SOCS6: variants seen among roughly 807,000 people sequenced by gnomAD.
SOCS6 encodes the protein suppressor of cytokine signaling 6.
SOCS6 carries 5 observed loss-of-function variants against 27.7 expected under a neutral mutation model. The observed-to-expected ratio is 0.18, with a 90% CI of 0.09 to 0.38. SOCS6 has a LOEUF of 0.38. Ranked by LOEUF, SOCS6 falls within the 10% of genes least tolerant of loss-of-function variation. The probability of loss-of-function intolerance (pLI) is 1.00; values close to 1 mark genes in which losing one functional copy is unlikely to be tolerated. For synonymous variants in SOCS6, 271 were observed against 260.0 expected (o/e 1.04, Z -0.41); for missense variants, 595 against 688.1 (o/e 0.86, Z 1.51).
In SOCS6 at chr18:70,325,065, A is replaced by G. The variant is rs764511524; in HGVS notation, c.397A>G (p.Ser133Gly). ...CACGTCGCTCCGCAGCCATCACTAC[A>G]GTCCCGCGCCGTGGCCTCTGCGGCC... ...RSTSLRSHHY[S>G]PAPWPLRPTN... The change falls in exon 2 of 2, where the codon AGT becomes GGT. Residue 133 changes from serine (S) to glycine (G), a missense_variant. Coordinates refer to ENST00000397942, the MANE Select transcript of SOCS6 (RefSeq NM_004232.4). The surrounding 1 kb of genome is among the most constrained non-coding windows in gnomAD (Gnocchi z 6.3). 1.2e-6 allele frequency: 2 copies of G among 1,614,158 alleles called. No individual in the cohort carries two copies. The highest frequency in any genetic ancestry group is 3.3e-5 in the Admixed American group (2 of 60,030).
intron 1 of SOCS6, among the ~76,000 whole-genome samples, chr18:70,318,126 G>A (rs572100112): frequency 7.2e-5 from 11 of 152,162 alleles, no homozygotes; most frequent in Non-Finnish European, 1.6e-4. Context: ...AAAGTGCTGG[G>A]ATGACAGGCG....
chr18:70,326,986 A>G lies in SOCS6; in HGVS notation c.*710A>G, dbSNP rs1184851854. 1.2e-5 allele frequency: 2 copies of G among 166,456 alleles called. No individual in the cohort carries two copies. Among genetic ancestry groups the G allele is most frequent in the Admixed American group, 6.5e-5 (1 of 15,288 alleles). The allele number at this position is 166,456 out of a possible 1,614,324, so 10.3% of individuals were successfully genotyped here. A position where few individuals can be genotyped will look rare whatever the true frequency, so the allele number is the denominator to read the frequency against. ...ATTTTAATAAATGGCCTTACATTAAAAAATTGTAAAGAAATGTATACCACC... is the reference window on the plus strand; with the variant it reads ...ATTTTAATAAATGGCCTTACATTAAGAAATTGTAAAGAAATGTATACCACC... On this transcript the variant is annotated 3_prime_UTR_variant, in exon 2 of 2. Transcript: ENST00000397942.
intron 1 of SOCS6, among the ~76,000 whole-genome samples, chr18:70,310,448 A>G (rs1479367802): frequency 7.8e-6 from 1 of 128,194 alleles, no homozygotes; most frequent in African/African-American, 3.0e-5. Flanking sequence ...TGCCTGGCTA[A>G]TTTTCTAATT....
Position 70,326,395 on chromosome 18 carries a change from TAA to T in SOCS6, c.*122_*123del, listed in dbSNP as rs1911210706. The T allele has an allele frequency of 2.3e-6, 2 of 869,730 alleles. No individual in the cohort carries two copies. Among genetic ancestry groups the T allele is most frequent in the Non-Finnish European group, 3.6e-6 (2 of 561,020 alleles). The allele number at this position is 869,730 out of a possible 1,614,324, so 53.9% of individuals were successfully genotyped here. A position where few individuals can be genotyped will look rare whatever the true frequency, so the allele number is the denominator to read the frequency against. ...GCCATAACTATTTCAGTTTTATGTG[TAA>T]AAGAGTCATCAGTTTGTTTAGGGGT... On this transcript the variant is annotated 3_prime_UTR_variant, in exon 2 of 2. Coordinates refer to ENST00000397942, the MANE Select transcript of SOCS6 (RefSeq NM_004232.4).
At chr18:70,314,573 C>T (rs2062403890) in intron 1 of SOCS6, among the ~76,000 whole-genome samples, 1 of 152,104 alleles carries the variant, frequency 6.6e-6, no homozygotes. Context: ...ACCATAAAGC[C>T]TAGGTAAGCT....
rs963862835 is a variant in SOCS6, at chr18:70,324,591, C to G, written c.-78C>G. 6.2e-6 allele frequency: 6 copies of G among 965,810 alleles called. No homozygotes were observed. Among genetic ancestry groups the G allele is most frequent in the East Asian group, 4.8e-5 (2 of 41,404 alleles). The allele number at this position is 965,810 out of a possible 1,614,324, so 59.8% of individuals were successfully genotyped here. A position where few individuals can be genotyped will look rare whatever the true frequency, so the allele number is the denominator to read the frequency against. ...AAGCAGGAAAAATACATAGATGCAG[C>G]CTTGCAGCCTCTCCAGATGTTTGGG... On this transcript the variant is annotated 5_prime_UTR_variant, in exon 2 of 2. Coordinates refer to ENST00000397942, the MANE Select transcript of SOCS6 (RefSeq NM_004232.4).
intron 1 of SOCS6, among the ~76,000 whole-genome samples, chr18:70,313,513 A>G (rs1056191123): frequency 2.6e-5 from 4 of 152,076 alleles, no homozygotes; most frequent in South Asian, 2.1e-4. Context: ...TTAAAAATAA[A>G]TATTTATATA....
intron 1 of SOCS6, among the ~76,000 whole-genome samples, chr18:70,310,375 A>G (rs2062385653): frequency 6.7e-6 from 1 of 148,590 alleles, no homozygotes; most frequent in African/African-American, 2.5e-5. Flanking sequence ...CTTCCTTTCC[A>G]GGCTTGGGTG....
chr18:70,325,243 A>G lies in SOCS6; in HGVS notation c.575A>G (p.Lys192Arg), dbSNP rs772443345. Residue 192 changes from lysine to arginine, a missense_variant, in exon 2 of 2, where the codon AAG (lysine) becomes AGG (arginine). Lys to Arg is a conservative substitution (Grantham distance 26, BLOSUM62 2). This residue lies in a region of SOCS6 where 467 missense variants were observed against 481.1 expected (regional missense o/e 0.97). Transcript: ENST00000397942. This position sits in a 1 kb window ranked among gnomAD's most constrained non-coding sequence, Gnocchi z 6.3. ...TTCQEQANSL[K>R]SSASHNGDLH... ...TGCCAGGAGCAAGCCAATTCACTGA[A>G]GAGCTCGGCTTCTCATAATGGAGAC... The G allele has an allele frequency of 6.2e-6, 10 of 1,614,168 alleles. No individual in the cohort carries two copies. The highest frequency in any genetic ancestry group is 2.2e-5 in the East Asian group (1 of 44,886).
chr18:70,317,829 A>G (rs1441268533), intron 1 of SOCS6, among the ~76,000 whole-genome samples: 1 of 151,800 alleles, frequency 6.6e-6, no homozygotes, highest in Admixed American at 6.6e-5. Context: ...CCTTTTTACC[A>G]CATTCACACC....
At position 70,325,566 on chromosome 18, in the gene SOCS6, C is replaced by T; in HGVS notation, c.898C>T (p.Pro300Ser). 6.2e-7 allele frequency: 1 copy of T among 1,614,148 alleles called. No individual in the cohort carries two copies. Reference sequence around the variant, plus strand: ...CACCACGGGAGTCATGTTGCAGAGCCCGAGAGCGGGTCACGATGATGTCCC... The same window carrying T: ...CACCACGGGAGTCATGTTGCAGAGCTCGAGAGCGGGTCACGATGATGTCCC... ...IGTTGVMLQS[P>S]RAGHDDVPPL... Residue 300 changes from proline to serine, a missense_variant, in exon 2 of 2, where the codon CCG (proline) becomes TCG (serine). By Grantham distance (74) the Pro-to-Ser change is moderately conservative (BLOSUM62 -1). Coordinates refer to ENST00000397942, the MANE Select transcript of SOCS6 (RefSeq NM_004232.4). The surrounding 1 kb of genome is among the most constrained non-coding windows in gnomAD (Gnocchi z 6.3).
intron 1 of SOCS6, among the ~76,000 whole-genome samples, chr18:70,316,883 G>A (rs999698921): frequency 6.6e-6 from 1 of 152,202 alleles, no homozygotes; most frequent in African/African-American, 2.4e-5. Context: ...ACTGAACTCT[G>A]TATCAGTCTA....
intron 1 of SOCS6, among the ~76,000 whole-genome samples, chr18:70,314,786 A>T (rs1249666199): frequency 1.3e-5 from 2 of 152,014 alleles, no homozygotes; most frequent in East Asian, 3.9e-4. Flanking sequence ...ATATGTTGGG[A>T]ATAATTCTAA....
intron 1 of SOCS6, among the ~76,000 whole-genome samples, chr18:70,323,985 A>C (rs1911087391): frequency 6.6e-6 from 1 of 152,108 alleles, no homozygotes; most frequent in African/African-American, 2.4e-5. Flanking sequence ...AAAAGAACAA[A>C]AGGTAGATGC....
At chr18:70,314,676 T>TG (rs2062404447) in intron 1 of SOCS6, among the ~76,000 whole-genome samples, 1 of 152,232 alleles carries the variant, frequency 6.6e-6, no homozygotes, top group Non-Finnish European at 1.5e-5. Context: ...GTTGTTCAGC[T>TG]GCATCTATTG....
chr18:70,314,762 T>G (rs957881735), intron 1 of SOCS6, among the ~76,000 whole-genome samples: 1 of 152,194 alleles, frequency 6.6e-6, no homozygotes, highest in Non-Finnish European at 1.5e-5. Context: ...ATTTCTTGTC[T>G]AATTCATTGG....
intron 1 of SOCS6, among the ~76,000 whole-genome samples, chr18:70,310,662 A>G (rs1286457873): frequency 6.6e-6 from 1 of 151,900 alleles, no homozygotes; most frequent in Non-Finnish European, 1.5e-5. Flanking sequence ...TACTGCTTTT[A>G]TCCCCATTTT....
In SOCS6 at chr18:70,325,535, G is replaced by T; in HGVS notation, c.867G>T (p.Leu289Phe). The change falls in exon 2 of 2, where the codon TTG becomes TTT. Residue 289 changes from leucine (L) to phenylalanine (F), a missense_variant. By Grantham distance (22) the Leu-to-Phe change is conservative (BLOSUM62 0). This residue lies in a region of SOCS6 where 467 missense variants were observed against 481.1 expected (regional missense o/e 0.97). Transcript: ENST00000397942. This position sits in a 1 kb window ranked among gnomAD's most constrained non-coding sequence, Gnocchi z 6.3. ...IFVDQSVNGL[L>F]IGTTGVMLQS... is the part of the protein sequence containing the mutation. ...TGGATCAGTCCGTGAATGGCTTGTT[G>T]ATTGGCACCACGGGAGTCATGTTGC... 1 of 1,614,144 alleles carries T rather than the reference G, an allele frequency of 6.2e-7. No individual in the cohort carries two copies. The highest frequency in any genetic ancestry group is 8.5e-7 in the Non-Finnish European group (1 of 1,180,032).
Position 70,309,611 on chromosome 18 carries a change from G to T in SOCS6, c.-126-14932G>T, listed in dbSNP as rs117932002. Reference sequence around the variant, plus strand: ...TTACCACAATCTGCTTCAAAATAATGCTACCTTAATACTGATAAAATACAG... The same window carrying T: ...TTACCACAATCTGCTTCAAAATAATTCTACCTTAATACTGATAAAATACAG... On this transcript the variant is annotated intron_variant, in intron 1 of 1. Transcript: ENST00000397942. 5.7e-3 allele frequency among the ~76,000 whole-genome samples: 867 copies of T among 152,174 alleles called. 7 individuals carry two copies. Among genetic ancestry groups the T allele is most frequent in the Non-Finnish European group, 9.6e-3 (654 of 68,024 alleles).
Sources: gnomAD v4.1 joint callset for allele counts (sites outside exome capture counted in the v4.1 genomes callset) on GRCh38, gnomAD v4.1.1 for gene constraint, gnomAD v4.1.1 regional missense constraint, Gnocchi (gnomAD v3.1) non-coding constraint, MANE v1.5 for transcripts, NCBI Gene and HGNC (gene_info 2026-07-23, HGNC 2026-07-21) for gene names.